NEK1: variants seen among roughly 807,000 people sequenced by gnomAD.
NEK1 encodes serine/threonine-protein kinase Nek1.
Under a neutral mutation model 182.1 loss-of-function variants are expected in NEK1, and 137 were observed. The ratio of observed to expected loss-of-function variants is 0.75; its 90% confidence interval spans 0.65 to 0.87. NEK1 has a LOEUF of 0.87. Among genes scored for constraint, NEK1 ranks in the 40% least tolerant of loss-of-function variants. The pLI, the probability that NEK1 is intolerant of heterozygous loss-of-function variation, is 0.00. For missense variants in NEK1, 1,391 were observed against 1,494.4 expected (o/e 0.93, Z 1.14); for synonymous variants, 513 against 492.2 (o/e 1.04, Z -0.56).
chr4:169,508,544 A>T (rs1201533845), intron 20 of NEK1, among the ~76,000 whole-genome samples: 1 of 152,226 alleles, frequency 6.6e-6, no homozygotes, highest in Non-Finnish European at 1.5e-5. Flanking sequence ...TTATAAAATT[A>T]CAAATTTTTA....
In NEK1 at chr4:169,605,724, A is replaced by ATTTG. The variant is rs1771225519; in HGVS notation, c.-48-3047_-48-3046insCAAA. 2.0e-5 allele frequency among the ~76,000 whole-genome samples: 3 copies of ATTTG among 152,228 alleles called. No homozygotes were observed. In the South Asian group the frequency reaches 6.2e-4, roughly 31 times the overall value. ...CAAATTAATGTTTGCCTTTTCTACC[A>ATTTG]TTCAGTTTCCAACATCAAATGAAAA... On this transcript the variant is annotated intron_variant, in intron 2 of 35. Coordinates refer to ENST00000507142, the MANE Select transcript of NEK1 (RefSeq NM_001199397.3).
At chr4:169,408,269 T>C (rs1194768383) in intron 31 of NEK1, among the ~76,000 whole-genome samples, 2 of 152,210 alleles carry the variant, frequency 1.3e-5, no homozygotes. Flanking sequence ...CAAGTGGTCA[T>C]GTAATTTGAC....
chr4:169,608,283 T>C (rs1053697495), intron 2 of NEK1, among the ~76,000 whole-genome samples: 35 of 152,156 alleles, frequency 2.3e-4, no homozygotes, highest in African/African-American at 8.4e-4. Flanking sequence ...CAAAAAACTT[T>C]TAAAACTTGG....
intron 27 of NEK1, among the ~76,000 whole-genome samples, chr4:169,456,029 T>C (rs936734457): frequency 1.3e-4 from 19 of 151,958 alleles, no homozygotes; most frequent in Admixed American, 8.5e-4. Flanking sequence ...CTGACCACAA[T>C]GGAAGAAAAC....
At chr4:169,596,751 T>C (rs1191868602) in intron 5 of NEK1, among the ~76,000 whole-genome samples, 1 of 152,238 alleles carries the variant, frequency 6.6e-6, no homozygotes. Flanking sequence ...TAAGTTTTCC[T>C]GTTTCAAAGC....
intron 26 of NEK1, among the ~76,000 whole-genome samples, chr4:169,475,247 T>A (rs566114716): frequency 1.2e-3 from 185 of 152,014 alleles, no homozygotes; most frequent in Non-Finnish European, 1.4e-3. Flanking sequence ...CTACCCAAGT[T>A]AGGAAAAAAA....
Position 169,507,862 on chromosome 4 carries a change from G to A in NEK1, c.1834-70C>T, listed in dbSNP as rs550632445. The A allele has an allele frequency of 6.3e-6, 7 of 1,110,890 alleles. No homozygotes were observed. The East Asian group carries it at 1.4e-4, about 23-fold the overall frequency. 68.8% of individuals were successfully genotyped at this position (1,110,890 alleles called of 1,614,324 possible). A position where few individuals can be genotyped will look rare whatever the true frequency, so the allele number is the denominator to read the frequency against. On this transcript the variant is annotated intron_variant, in intron 21 of 35. Transcript: ENST00000507142. ...AAATTGAGTGCAGAGCTCTGTGAAA[G>A]ATAACAATGAATAAACTAAAATCTA...
intron 26 of NEK1, among the ~76,000 whole-genome samples, chr4:169,465,655 C>A (rs1744793339): frequency 6.6e-6 from 1 of 152,012 alleles, no homozygotes; most frequent in African/African-American, 2.4e-5. Context: ...TTCCTATTCC[C>A]ATCAGCCAAA....
intron 27 of NEK1, among the ~76,000 whole-genome samples, chr4:169,455,092 C>A (rs1742590365): frequency 6.6e-6 from 1 of 152,170 alleles, no homozygotes; most frequent in Non-Finnish European, 1.5e-5. Context: ...AAACCAAACA[C>A]CACATGTTCT....
intron 5 of NEK1, among the ~76,000 whole-genome samples, chr4:169,591,469 A>C (rs1768499735): frequency 6.6e-6 from 1 of 151,946 alleles, no homozygotes; most frequent in Non-Finnish European, 1.5e-5. Flanking sequence ...ACTGCATCTG[A>C]CCTCTATAAT....
intron 26 of NEK1, among the ~76,000 whole-genome samples, chr4:169,471,350 G>C (rs946983824): frequency 3.9e-5 from 6 of 152,100 alleles, no homozygotes; most frequent in Non-Finnish European, 7.4e-5. Flanking sequence ...TTGCTTTCTG[G>C]TTGTTAGTTT....
At chr4:169,537,376 T>C (rs538765982) in intron 19 of NEK1, among the ~76,000 whole-genome samples, 2 of 152,342 alleles carry the variant, frequency 1.3e-5, no homozygotes, top group Admixed American at 6.5e-5. Flanking sequence ...AGCAAATGCA[T>C]AGTTTACATA....
At chr4:169,524,835 T>C (rs1756653601) in intron 19 of NEK1, among the ~76,000 whole-genome samples, 1 of 152,214 alleles carries the variant, frequency 6.6e-6, no homozygotes, top group South Asian at 2.1e-4. Context: ...AATTTCAGTG[T>C]CCATAAACGG....
rs565751551 is a variant in NEK1, at chr4:169,546,224, C to A, written c.1563-8313G>T. The stretch of plus-strand genomic sequence containing the variant: ...GTTTCAAAGAATTTATTTATTTCTG[C>A]CTTAATTTCTTTATTTACCCAGTAG... On this transcript the variant is annotated intron_variant, in intron 18 of 35. Coordinates refer to ENST00000507142, the MANE Select transcript of NEK1 (RefSeq NM_001199397.3). Among the ~76,000 whole-genome samples the A allele has an allele frequency of 1.3e-3, 203 of 152,212 alleles. 2 individuals carry two copies. In the South Asian group the frequency reaches 0.015, roughly 11 times the overall value.
At chr4:169,488,665 C>G (rs957471699) in intron 23 of NEK1, among the ~76,000 whole-genome samples, 4 of 152,114 alleles carry the variant, frequency 2.6e-5, no homozygotes, top group African/African-American at 4.8e-5. Context: ...AATGCACCAA[C>G]ATACATACTG....
chr4:169,483,022 A>T (rs749425968), intron 23 of NEK1, among the ~76,000 whole-genome samples: 1 of 152,198 alleles, frequency 6.6e-6, no homozygotes, highest in Non-Finnish European at 1.5e-5. Flanking sequence ...TTCTGTGCCT[A>T]TCTCAGCTTT....
rs1298590668 is a variant in NEK1, at chr4:169,394,271, T to A, written c.*239A>T. ...TTTCCTATGCTTTGGTTGGATGATTTAATAAAGTATATATTTTATGAGATT... is the reference window on the plus strand; with the variant it reads ...TTTCCTATGCTTTGGTTGGATGATTAAATAAAGTATATATTTTATGAGATT... On this transcript the variant is annotated 3_prime_UTR_variant, in exon 36 of 36. Coordinates refer to ENST00000507142, the MANE Select transcript of NEK1 (RefSeq NM_001199397.3). 5.5e-6 allele frequency: 2 copies of A among 363,046 alleles called. No homozygotes were observed. The highest frequency in any genetic ancestry group is 4.3e-5 in the African/African-American group (2 of 46,812). 22.5% of individuals were successfully genotyped at this position (363,046 alleles called of 1,614,324 possible). A position where few individuals can be genotyped will look rare whatever the true frequency, so the allele number is the denominator to read the frequency against.
At chr4:169,561,784 A>G (rs974864484) in intron 14 of NEK1, 47 bp from the exon 15 acceptor site, 1 of 1,600,408 alleles carries the variant, frequency 6.2e-7, no homozygotes, top group African/African-American at 1.3e-5. Context: ...TGAACCTATT[A>G]TCACTTAACA....
Position 169,585,452 on chromosome 4 carries a change from A to G in NEK1, c.704T>C (p.Val235Ala), listed in dbSNP as rs1352324913. Reference sequence around the variant, plus strand: ...AGGATTTCTTTTAAATAACTGAGACACCAAACTGCGGAGATCATAGGAATA... The same window carrying G: ...AGGATTTCTTTTAAATAACTGAGACGCCAAACTGCGGAGATCATAGGAATA... ...LHYSYDLRSL[V>A]SQLFKRNPRD... The change falls in exon 10 of 36, where the codon GTG (valine) becomes GCG (alanine). Residue 235 changes from valine to alanine, a missense_variant. Coordinates refer to ENST00000507142, the MANE Select transcript of NEK1 (RefSeq NM_001199397.3). The G allele has an allele frequency of 6.2e-7, 1 of 1,613,454 alleles. No individual in the cohort carries two copies. Among genetic ancestry groups the G allele is most frequent in the African/African-American group, 1.3e-5 (1 of 74,920 alleles).
Sources: gnomAD v4.1 joint callset for allele counts (sites outside exome capture counted in the v4.1 genomes callset) on GRCh38, gnomAD v4.1.1 for gene constraint, MANE v1.5 for transcripts, NCBI Gene and HGNC (gene_info 2026-07-23, HGNC 2026-07-21) for gene names.